Variants in FGF17 observed in about 807,000 individuals in gnomAD.
FGF17 encodes the protein fibroblast growth factor 17.
In FGF17, 5 loss-of-function variants were observed where a neutral mutation model predicts 23.5. The ratio of observed to expected loss-of-function variants is 0.21; its 90% CI spans 0.11 to 0.45. The LOEUF (loss-of-function observed/expected upper bound fraction) is 0.45, where lower values mean the gene tolerates loss of function less well. Ranked by LOEUF, FGF17 falls within the 20% of genes least tolerant of loss-of-function variation. The pLI is 0.99. For missense variants in FGF17, 221 were observed against 306.9 expected (o/e 0.72, Z 2.09); for synonymous variants, 136 against 123.0 (o/e 1.11, Z -0.70).
upstream of FGF17, chr8:22,042,661 G>A (rs978116814): frequency 1.0e-5 from 6 of 597,788 alleles, no homozygotes; most frequent in South Asian, 4.0e-5. Context: ...AGGGCACAGC[G>A]CGCACGCCCC....
At chr8:22,045,561 T>C in intron 2 of FGF17, 1 of 997,132 alleles carries the variant, frequency 1.0e-6, no homozygotes, top group East Asian at 1.1e-4. Flanking sequence ...CTGCAGGAGC[T>C]TTCAGAGTCC....
intron 4 of FGF17, among the ~76,000 whole-genome samples, 155 bp downstream of exon 4, chr8:22,046,788 T>C (rs537510339): frequency 2.6e-5 from 4 of 152,110 alleles, no homozygotes; most frequent in African/African-American, 9.6e-5. Flanking sequence ...CACTCTCTGG[T>C]TTTTATTTTA....
intron 2 of FGF17, 59 bp downstream of exon 2, chr8:22,043,240 G>T (rs1585533132): frequency 6.4e-7 from 1 of 1,563,380 alleles, no homozygotes; most frequent in East Asian, 2.2e-5. Context: ...GACCAGGGCG[G>T]GTGCAAGGGA....
chr8:22,046,363 G>C (rs984177327), intron 3 of FGF17, 72 bp downstream of exon 3: 5 of 1,551,058 alleles, frequency 3.2e-6, no homozygotes, highest in Middle Eastern at 1.8e-4. Flanking sequence ...CTCACCTCCT[G>C]GTCCATCCCC....
rs149043820 is a variant in FGF17 at position 22,043,188 on chromosome 8, G to C, written c.72+7G>C. On this transcript the variant is annotated splice_region_variant and intron_variant, in intron 2 of 4. Transcript: ENST00000359441. ...TCTCTGCTGTCAAACTCAGGTAGGCGGGCATTCCCACCGGCTTTCCCCCAA... is the reference window on the plus strand; with the variant it reads ...TCTCTGCTGTCAAACTCAGGTAGGCCGGCATTCCCACCGGCTTTCCCCCAA... 1.2e-6 allele frequency: 2 copies of C among 1,613,202 alleles called. No homozygotes were observed. Among genetic ancestry groups the C allele is most frequent in the Admixed American group, 1.7e-5 (1 of 60,014 alleles).
At chr8:22,047,028 C>T (rs867560419) in intron 4 of FGF17, among the ~76,000 whole-genome samples, 9 of 141,236 alleles carry the variant, frequency 6.4e-5, no homozygotes, top group African/African-American at 2.4e-4. Flanking sequence ...CTAAAGCGAT[C>T]CTCCCACCTC....
chr8:22,043,652 G>A (rs2129654446), intron 2 of FGF17, among the ~76,000 whole-genome samples: 1 of 152,230 alleles, frequency 6.6e-6, no homozygotes, highest in East Asian at 1.9e-4. Flanking sequence ...GCCAGGGTGA[G>A]GTGACTCCTC....
chr8:22,040,716 T>A (rs1585530704), upstream of FGF17, among the ~76,000 whole-genome samples: 3 of 152,202 alleles, frequency 2.0e-5, no homozygotes, highest in South Asian at 6.2e-4. Context: ...CAGCATAAAT[T>A]GGAACCGTTA....
intron 4 of FGF17, 26 bp downstream of exon 4, chr8:22,046,659 C>CA: frequency 6.6e-7 from 1 of 1,517,650 alleles, no homozygotes; most frequent in South Asian, 1.1e-5. Context: ...TGGGAAGTAA[C>CA]AGAGAATCAG....
upstream of FGF17, chr8:22,042,428 C>T (rs922425437): frequency 6.4e-5 from 11 of 171,372 alleles, no homozygotes; most frequent in South Asian, 6.3e-4. Context: ...TTGACACCTG[C>T]GGCTCACCCT....
At chr8:22,043,321 G>A (rs984775671) in intron 2 of FGF17, 140 bp downstream of exon 2, 2 of 845,480 alleles carry the variant, frequency 2.4e-6, no homozygotes, top group East Asian at 2.6e-5. Context: ...GAGGTTTGGA[G>A]GGGAGTGAGC....
chr8:22,042,973 C>G lies in FGF17; in HGVS notation c.35+10C>G. 1 of 1,612,690 alleles carries G rather than the reference C, an allele frequency of 6.2e-7. No homozygotes were observed. Among genetic ancestry groups the G allele is most frequent in the Middle Eastern group, 1.7e-4 (1 of 6,060 alleles). On this transcript the variant is annotated intron_variant, in intron 1 of 4. Transcript: ENST00000359441. ...TGCCCAACCTCACTCTGTAAGTGTG[C>G]TACCTCTCCCACTGGAGTTTCGTTG...
At chr8:22,045,622 C>T (rs536551517) in intron 2 of FGF17, 5 of 1,050,692 alleles carry the variant, frequency 4.8e-6, no homozygotes, top group East Asian at 8.4e-5. Context: ...GCTCTGTGCC[C>T]GTGTGCTGGG....
upstream of FGF17, among the ~76,000 whole-genome samples, chr8:22,040,937 G>A (rs1160569839): frequency 6.6e-6 from 1 of 152,198 alleles, no homozygotes; most frequent in African/African-American, 2.4e-5. Context: ...ACGCGGAACA[G>A]AAGTGACCTG....
upstream of FGF17, among the ~76,000 whole-genome samples, chr8:22,040,710 A>G (rs1196105515): frequency 6.6e-6 from 1 of 152,238 alleles, no homozygotes; most frequent in Non-Finnish European, 1.5e-5. Context: ...TCCCGACAGC[A>G]TAAATTGGAA....
chr8:22,043,033 G>A lies in FGF17; in HGVS notation c.35+70G>A, dbSNP rs3176269. On this transcript the variant is annotated intron_variant, in intron 1 of 4. Transcript: ENST00000359441. ...GCCTCAGGGCAGCCCTCCTCTTCCC[G>A]GGACTCCCACGCGTGCGTGCACGGG... The A allele has an allele frequency of 4.4e-4, 702 of 1,602,382 alleles. 4 individuals carry two copies. In the African/African-American group the frequency reaches 7.2e-3, roughly 17 times the overall value.
upstream of FGF17, chr8:22,042,436 C>A (rs1400422057): frequency 5.4e-6 from 1 of 185,974 alleles, no homozygotes; most frequent in Non-Finnish European, 1.1e-5. Flanking sequence ...TGCGGCTCAC[C>A]CTTGGGGAGG....
chr8:22,042,347 G>T (rs1800751983), upstream of FGF17: 2 of 159,880 alleles, frequency 1.3e-5, no homozygotes, highest in Admixed American at 1.2e-4. Flanking sequence ...CCCCTGGAGG[G>T]AGGCGGCTCC....
upstream of FGF17, among the ~76,000 whole-genome samples, chr8:22,040,991 C>G (rs1238660357): frequency 6.6e-6 from 1 of 152,196 alleles, no homozygotes. Context: ...ACGCGGGCAC[C>G]TGGTACCTTG....
Sources: gnomAD v4.1 joint callset for allele counts (sites outside exome capture counted in the v4.1 genomes callset) on GRCh38, gnomAD v4.1.1 for gene constraint, MANE v1.5 for transcripts, NCBI Gene and HGNC (gene_info 2026-07-23, HGNC 2026-07-21) for gene names.